The following PTPRQ variants were observed in gnomAD, a reference collection of about 807,000 sequenced individuals.
PTPRQ encodes the protein protein tyrosine phosphatase receptor type Q, also known as phosphatidylinositol phosphatase PTPRQ.
PTPRQ carries 199 observed loss-of-function variants against 246.0 expected under a neutral mutation model. The ratio of observed to expected loss-of-function variants is 0.81; its 90% confidence interval spans 0.72 to 0.91. The LOEUF is 0.91. PTPRQ is among the 40% of genes least tolerant of loss of function. The probability of loss-of-function intolerance (pLI) is 0.00; values close to 1 mark genes in which losing one functional copy is unlikely to be tolerated. For synonymous variants in PTPRQ, 869 were observed against 853.2 expected (o/e 1.02, Z -0.32); for missense variants, 2,624 against 2,528.4 (o/e 1.04, Z -0.81).
At chr12:80,622,485 T>C (rs1899032261) in intron 33 of PTPRQ, among the ~76,000 whole-genome samples, 1 of 152,034 alleles carries the variant, frequency 6.6e-6, no homozygotes, top group South Asian at 2.1e-4. Context: ...TACTGGCATC[T>C]AGTGGGCAAA....
intron 3 of PTPRQ, among the ~76,000 whole-genome samples, chr12:80,457,084 A>G (rs1893004047): frequency 6.6e-6 from 1 of 152,088 alleles, no homozygotes; most frequent in Non-Finnish European, 1.5e-5. Context: ...TATCTTTAAA[A>G]TTCTGGAATT....
chr12:80,595,476 AT>A (rs2121046881), intron 26 of PTPRQ, among the ~76,000 whole-genome samples: 1 of 152,046 alleles, frequency 6.6e-6, no homozygotes, highest in East Asian at 1.9e-4. Context: ...AAATGCTTGC[AT>A]TGTTATTGCC....
intron 8 of PTPRQ, among the ~76,000 whole-genome samples, chr12:80,483,632 C>A (rs146664218): frequency 6.6e-6 from 1 of 151,926 alleles, no homozygotes; most frequent in Non-Finnish European, 1.5e-5. Flanking sequence ...ATGTGCAGAA[C>A]GTATAGGTTT....
intron 6 of PTPRQ, among the ~76,000 whole-genome samples, chr12:80,461,355 G>A (rs1023429842): frequency 2.0e-5 from 3 of 152,054 alleles, no homozygotes; most frequent in African/African-American, 4.8e-5. Flanking sequence ...TATCCCATTT[G>A]CACTGCAGTT....
At chr12:80,655,467 A>G (rs148511483) in intron 38 of PTPRQ, among the ~76,000 whole-genome samples, 114 of 152,204 alleles carry the variant, frequency 7.5e-4, no homozygotes, top group African/African-American at 2.6e-3. Flanking sequence ...CATTTAGGCT[A>G]TGTCTGGAGA....
intron 44 of PTPRQ, 101 bp from the exon 45 acceptor site, chr12:80,678,885 A>G: frequency 6.9e-7 from 1 of 1,454,024 alleles, no homozygotes. Flanking sequence ...AGTTGGGCTA[A>G]TAATACCCTT....
At chr12:80,541,162 CA>C (rs773073093) in intron 20 of PTPRQ, among the ~76,000 whole-genome samples, 105 of 151,904 alleles carry the variant, frequency 6.9e-4, no homozygotes, top group Middle Eastern at 3.4e-3. Flanking sequence ...CTCATATGTA[CA>C]ACAAGGGTAA....
chr12:80,523,352 G>T (rs1410204214), intron 17 of PTPRQ, among the ~76,000 whole-genome samples: 2 of 152,010 alleles, frequency 1.3e-5, no homozygotes, highest in African/African-American at 4.8e-5. Context: ...GGTTTTTTGT[G>T]TTTCTATTTC....
At chr12:80,482,219 C>T (rs12304760) in intron 8 of PTPRQ, among the ~76,000 whole-genome samples, 9,440 of 148,514 alleles carry the variant, frequency 0.064, 769 homozygotes, top group African/African-American at 0.18. Flanking sequence ...GAAATAACGC[C>T]GCATATCTAC....
chr12:80,514,791 AT>A (rs1641966659), intron 17 of PTPRQ, among the ~76,000 whole-genome samples: 2 of 146,384 alleles, frequency 1.4e-5, no homozygotes, highest in Admixed American at 1.4e-4. Flanking sequence ...TGTTATATAT[AT>A]TTTTTCTTAT....
intron 26 of PTPRQ, among the ~76,000 whole-genome samples, chr12:80,603,680 CT>C (rs888214249): frequency 1.4e-4 from 21 of 151,546 alleles, no homozygotes; most frequent in African/African-American, 5.1e-4. Flanking sequence ...TCTGTGGGTC[CT>C]GTTGTTTATG....
At chr12:80,521,755 G>T (rs1895498563) in intron 17 of PTPRQ, among the ~76,000 whole-genome samples, 2 of 152,122 alleles carry the variant, frequency 1.3e-5, no homozygotes, top group Non-Finnish European at 2.9e-5. Context: ...ATGCTGTTTT[G>T]GTTACAGTAG....
At chr12:80,670,070 C>T (rs1288185903) in intron 41 of PTPRQ, among the ~76,000 whole-genome samples, 1 of 151,978 alleles carries the variant, frequency 6.6e-6, no homozygotes, top group African/African-American at 2.4e-5. Flanking sequence ...ACCTATTATT[C>T]TGAGTGCTAC....
At chr12:80,634,081 T>G (rs1014343137) in intron 34 of PTPRQ, among the ~76,000 whole-genome samples, 4 of 152,202 alleles carry the variant, frequency 2.6e-5, no homozygotes, top group Non-Finnish European at 5.9e-5. Context: ...ATAATAACTA[T>G]TTATGTAACT....
intron 25 of PTPRQ, among the ~76,000 whole-genome samples, chr12:80,584,984 T>G (rs1169289232): frequency 1.3e-5 from 2 of 149,644 alleles, no homozygotes; most frequent in Non-Finnish European, 3.0e-5. Context: ...TTTTGGTAAA[T>G]ATATATATAT....
At chr12:80,509,230 A>C (rs1156266567) in intron 16 of PTPRQ, among the ~76,000 whole-genome samples, 8 of 152,164 alleles carry the variant, frequency 5.3e-5, no homozygotes, top group South Asian at 2.1e-4. Context: ...CTGCTCAATA[A>C]AATTTTTTTG....
chr12:80,607,009 A>G (rs1898349573), intron 27 of PTPRQ, among the ~76,000 whole-genome samples: 1 of 151,078 alleles, frequency 6.6e-6, no homozygotes, highest in Non-Finnish European at 1.5e-5. Flanking sequence ...TTGTAATCTC[A>G]TTCTTGTAGC....
At position 80,495,344 on chromosome 12, in the gene PTPRQ, A is replaced by G; in HGVS notation, c.1855A>G (p.Thr619Ala). Reference protein sequence around the residue: ...LDTNRAFQITTIDNSFLITGL... With the variant: ...LDTNRAFQITAIDNSFLITGL... Reference sequence around the variant, plus strand: ...TACAAACAGAGCATTCCAGATAACTACCATAGATAACAGCTTTCTCATAAC... The same window carrying G: ...TACAAACAGAGCATTCCAGATAACTGCCATAGATAACAGCTTTCTCATAAC... The change falls in exon 12 of 45, where the codon ACC becomes GCC. Residue 619 changes from threonine (T) to alanine (A), a missense_variant. Thr to Ala is a moderately conservative substitution (Grantham distance 58, BLOSUM62 0). Transcript: ENST00000644991. 1 of 1,520,880 alleles carries G rather than the reference A, an allele frequency of 6.6e-7. No individual in the cohort carries two copies. The highest frequency in any genetic ancestry group is 8.8e-7 in the Non-Finnish European group (1 of 1,138,464). The allele number at this position is 1,520,880 out of a possible 1,614,324, so 94.2% of individuals were successfully genotyped here.
intron 33 of PTPRQ, among the ~76,000 whole-genome samples, chr12:80,624,031 T>C (rs1341172569): frequency 6.6e-6 from 1 of 152,130 alleles, no homozygotes; most frequent in East Asian, 1.9e-4. Flanking sequence ...ATACAACCAT[T>C]AATCCTGGAA....
Sources: gnomAD v4.1 joint callset for allele counts (sites outside exome capture counted in the v4.1 genomes callset) on GRCh38, gnomAD v4.1.1 for gene constraint, MANE v1.5 for transcripts, NCBI Gene and HGNC (gene_info 2026-07-23, HGNC 2026-07-21) for gene names.